Variants in DOCK4 observed in about 807,000 individuals in gnomAD.
DOCK4 encodes the protein dedicator of cytokinesis protein 4.
In DOCK4, 97 loss-of-function variants were observed where a neutral mutation model predicts 268.1. The observed-to-expected ratio is 0.36, with a 90% CI of 0.31 to 0.43. DOCK4 has a LOEUF of 0.43. DOCK4 is among the 20% of genes least tolerant of loss of function. The pLI, the probability that DOCK4 is intolerant of heterozygous loss-of-function variation, is 1.00. For missense variants in DOCK4, 2,145 were observed against 2,455.7 expected (o/e 0.87, Z 2.67); for synonymous variants, 954 against 887.2 (o/e 1.08, Z -1.34).
chr7:112,155,842 G>A (rs914344352), intron 1 of DOCK4, among the ~76,000 whole-genome samples: 1 of 152,166 alleles, frequency 6.6e-6, no homozygotes, highest in Admixed American at 6.5e-5. Context: ...ACATCTGCAT[G>A]ATCCTATGTG....
intron 1 of DOCK4, among the ~76,000 whole-genome samples, chr7:112,136,218 G>GT (rs1306666692): frequency 3.3e-5 from 5 of 152,016 alleles, no homozygotes; most frequent in African/African-American, 1.2e-4. Flanking sequence ...TAGCTAATAT[G>GT]TTTTAATATC....
intron 36 of DOCK4, 61 bp from the exon 37 acceptor site, chr7:111,769,738 G>A: frequency 1.9e-6 from 3 of 1,556,458 alleles, no homozygotes; most frequent in Non-Finnish European, 8.7e-7. Flanking sequence ...TCCCTCAAAT[G>A]TGGCCAGTTT....
chr7:111,889,051 C>T (rs1808075428), intron 16 of DOCK4, among the ~76,000 whole-genome samples: 1 of 152,096 alleles, frequency 6.6e-6, no homozygotes, highest in African/African-American at 2.4e-5. Flanking sequence ...AACTGGTTAG[C>T]ATTGAAGGGG....
chr7:112,144,424 G>A (rs1197616952), intron 1 of DOCK4, among the ~76,000 whole-genome samples: 2 of 152,250 alleles, frequency 1.3e-5, no homozygotes, highest in Admixed American at 6.5e-5. Flanking sequence ...GCCCATACTC[G>A]GGAACAGTTT....
In DOCK4 at chr7:111,807,495, A is replaced by G. The variant is rs1426257143; in HGVS notation, c.3166+1326T>C. On this transcript the variant is annotated intron_variant, in intron 30 of 52. Coordinates refer to ENST00000428084, the MANE Select transcript of DOCK4 (RefSeq NM_001363540.2). ...ACTCTTTTTTTTTTTTTTTTGAGTC[A>G]GAGTCTCACTCTGTCACCCAGGCTG... 8.8e-5 allele frequency: 13 copies of G among 147,324 alleles called. No homozygotes were observed. In the South Asian group the frequency reaches 2.4e-3, roughly 27 times the overall value. 9.1% of individuals were successfully genotyped at this position (147,324 alleles called of 1,614,324 possible). A position where few individuals can be genotyped will look rare whatever the true frequency, so the allele number is the denominator to read the frequency against.
rs112956628 is a variant in DOCK4, at chr7:111,937,851, C to T, written c.978-2223G>A. Reference sequence around the variant, plus strand: ...AACATGGGGCAAGTTATTTAACTCTCGTTCCCCTATGAGTAAAACTGAGTA... The same window carrying T: ...AACATGGGGCAAGTTATTTAACTCTTGTTCCCCTATGAGTAAAACTGAGTA... On this transcript the variant is annotated intron_variant, in intron 11 of 52. Coordinates refer to ENST00000428084, the MANE Select transcript of DOCK4 (RefSeq NM_001363540.2). Among the ~76,000 whole-genome samples the T allele has an allele frequency of 1.5e-3, 230 of 152,300 alleles. 1 individual carries two copies. Among genetic ancestry groups the T allele is most frequent in the Middle Eastern group, 3.4e-3 (1 of 294 alleles).
chr7:111,809,988 CAA>C (rs141294490), intron 28 of DOCK4, among the ~76,000 whole-genome samples: 1 of 126,176 alleles, frequency 7.9e-6, no homozygotes, highest in Admixed American at 8.0e-5. Context: ...ATAAACTTAG[CAA>C]AAAAAAAAAA....
intron 1 of DOCK4, among the ~76,000 whole-genome samples, chr7:112,131,675 G>A (rs1813813658): frequency 6.6e-6 from 1 of 152,162 alleles, no homozygotes; most frequent in East Asian, 1.9e-4. Context: ...TTTATCAGGT[G>A]CCTATAATGA....
intron 1 of DOCK4, among the ~76,000 whole-genome samples, chr7:112,081,037 A>C (rs1022166824): frequency 2.5e-4 from 38 of 152,300 alleles, no homozygotes; most frequent in African/African-American, 8.2e-4. Flanking sequence ...AGGGTCCGCC[A>C]AGTAGCCCAC....
At chr7:112,064,657 A>G (rs1038456016) in intron 1 of DOCK4, among the ~76,000 whole-genome samples, 2 of 150,630 alleles carry the variant, frequency 1.3e-5, no homozygotes, top group African/African-American at 4.9e-5. Flanking sequence ...ACAAGACAGC[A>G]GCTATTATGG....
intron 1 of DOCK4, among the ~76,000 whole-genome samples, chr7:112,057,903 CT>C (rs1241349356): frequency 2.0e-5 from 3 of 151,478 alleles, no homozygotes; most frequent in African/African-American, 7.3e-5. Flanking sequence ...TTATTTTTAA[CT>C]TTATCTCATC....
chr7:111,742,103 C>T lies in DOCK4; in HGVS notation c.4707G>A (p.Val1569=), dbSNP rs761133117. ...QAQILEFGLA[V]HEKFVPQDMR... is the part of the protein sequence containing the mutation. ...TATCTTGAGGTACAAACTTCTCATG[C>T]ACGGCCAAACCAAATTCCAGAATCT... The change falls in exon 45 of 53, where the codon GTG becomes GTA. Residue 1569 remains valine (V), a synonymous_variant. Transcript: ENST00000428084. The T allele has an allele frequency of 6.3e-7, 1 of 1,599,186 alleles. No individual in the cohort carries two copies. The highest frequency in any genetic ancestry group is 1.1e-5 in the South Asian group (1 of 88,054).
At chr7:111,892,068 T>C (rs570482536) in intron 16 of DOCK4, among the ~76,000 whole-genome samples, 9 of 152,310 alleles carry the variant, frequency 5.9e-5, no homozygotes, top group Admixed American at 3.9e-4. Context: ...ATATCTTAAA[T>C]TTTATGTAGC....
At chr7:112,192,754 G>T (rs980877953) in intron 1 of DOCK4, among the ~76,000 whole-genome samples, 1 of 152,088 alleles carries the variant, frequency 6.6e-6, no homozygotes, top group African/African-American at 2.4e-5. Context: ...CTCTTTGGAT[G>T]CTTATCAAGC....
chr7:112,113,487 T>C (rs1283544075), intron 1 of DOCK4, among the ~76,000 whole-genome samples: 1 of 152,150 alleles, frequency 6.6e-6, no homozygotes, highest in Non-Finnish European at 1.5e-5. Flanking sequence ...TCTTACTCCA[T>C]AAAAGTCTCC....
chr7:112,039,773 C>T (rs993446506), intron 1 of DOCK4, among the ~76,000 whole-genome samples: 7 of 152,110 alleles, frequency 4.6e-5, no homozygotes, highest in African/African-American at 1.7e-4. Context: ...AACCTAGTTA[C>T]TCCACGTCTT....
intron 1 of DOCK4, among the ~76,000 whole-genome samples, chr7:112,101,799 C>T (rs1016926670): frequency 6.6e-6 from 1 of 151,978 alleles, no homozygotes; most frequent in African/African-American, 2.4e-5. Flanking sequence ...TATCCTCCAC[C>T]CATCATTTAA....
chr7:112,190,590 C>T (rs895184872), intron 1 of DOCK4, among the ~76,000 whole-genome samples: 3 of 151,504 alleles, frequency 2.0e-5, no homozygotes, highest in Admixed American at 6.6e-5. Flanking sequence ...TTGCCCAGCA[C>T]GGGATGAGAT....
intron 23 of DOCK4, among the ~76,000 whole-genome samples, chr7:111,847,490 C>T (rs980910178): frequency 4.3e-4 from 65 of 151,110 alleles, no homozygotes; most frequent in Non-Finnish European, 4.4e-5. Flanking sequence ...TTTTTTCCCC[C>T]TTGATATAGT....
Sources: gnomAD v4.1 joint callset for allele counts (sites outside exome capture counted in the v4.1 genomes callset) on GRCh38, gnomAD v4.1.1 for gene constraint, MANE v1.5 for transcripts, NCBI Gene and HGNC (gene_info 2026-07-23, HGNC 2026-07-21) for gene names.